RASSF4: variants seen among roughly 807,000 people sequenced by gnomAD.
RASSF4 encodes the protein Ras association domain family member 4.
A neutral mutation model predicts 41.1 loss-of-function variants in RASSF4; 38 were observed. The ratio of observed to expected loss-of-function variants is 0.92; its 90% confidence interval spans 0.71 to 1.21. The LOEUF (loss-of-function observed/expected upper bound fraction) is 1.21, where lower values mean the gene tolerates loss of function less well. RASSF4 is among the 50% of genes most tolerant of loss of function. The pLI, the probability that RASSF4 is intolerant of heterozygous loss-of-function variation, is 0.00. For synonymous variants in RASSF4, 179 were observed against 163.4 expected (o/e 1.10, Z -0.73); for missense variants, 414 against 419.4 (o/e 0.99, Z 0.11).
chr10:44,984,229 CT>C (rs1841832515), intron 5 of RASSF4, 116 bp downstream of exon 5: 1 of 1,019,394 alleles, frequency 9.8e-7, no homozygotes, highest in African/African-American at 1.6e-5. Flanking sequence ...CAACGAGGGG[CT>C]TCACCTGCTG....
intron 3 of RASSF4, chr10:44,977,290 T>C (rs1351856280): frequency 2.1e-5 from 30 of 1,441,298 alleles, no homozygotes; most frequent in Non-Finnish European, 2.4e-5. Context: ...CAGAAAAGCA[T>C]TTCCCTTTCA....
chr10:44,985,017 C>T (rs2132796397), intron 6 of RASSF4, 47 bp downstream of exon 6: 1 of 1,579,846 alleles, frequency 6.3e-7, no homozygotes. Flanking sequence ...GGGAGCCAGG[C>T]CTGAGCACAG....
At chr10:44,986,999 T>C (rs907827287) in intron 6 of RASSF4, among the ~76,000 whole-genome samples, 8 of 152,240 alleles carry the variant, frequency 5.3e-5, no homozygotes, top group Non-Finnish European at 1.2e-4. Flanking sequence ...TTGTTCCTAC[T>C]TGGAGTTGGT....
chr10:44,984,470 T>A (rs918319786), intron 5 of RASSF4: 2 of 483,582 alleles, frequency 4.1e-6, no homozygotes, highest in Non-Finnish European at 7.4e-6. Context: ...TGCTCACTCA[T>A]CCTTTTTATT....
chr10:44,970,341 G>A, intron 2 of RASSF4, 77 bp downstream of exon 2: 1 of 1,183,270 alleles, frequency 8.5e-7, no homozygotes, highest in Non-Finnish European at 1.3e-6. Context: ...CCTTTAGGTG[G>A]AGGGGTTCTG....
chr10:44,979,325 T>C (rs1227860571), intron 3 of RASSF4, among the ~76,000 whole-genome samples: 1 of 152,192 alleles, frequency 6.6e-6, no homozygotes, highest in Non-Finnish European at 1.5e-5. Flanking sequence ...GATGGGGTGC[T>C]TTCGGAGGAT....
At position 44,984,937 on chromosome 10, in the gene RASSF4, G is replaced by T. The variant is rs761836638; in HGVS notation, c.498G>T (p.Arg166=). The part of the protein sequence containing the change: ...PGEAQRIRRH[R]FSINGHFYNH... ...AGGCCCAGCGCATCCGGCGACACCG[G>T]TTCTCTATCAACGGCCACTTCTACA... The change falls in exon 6 of 11, where the codon CGG becomes CGT. Residue 166 remains arginine (R), a synonymous_variant. Transcript: ENST00000340258. 7 of 1,613,180 alleles carry T rather than the reference G, an allele frequency of 4.3e-6. No homozygotes were observed. Among genetic ancestry groups the T allele is most frequent in the Non-Finnish European group, 5.9e-6 (7 of 1,180,016 alleles).
chr10:44,982,913 C>A, intron 4 of RASSF4: 1 of 692,620 alleles, frequency 1.4e-6, no homozygotes. Flanking sequence ...CTGCAAGCCA[C>A]CTTGCTGGCA....
chr10:44,977,414 A>T (rs1397033130), intron 3 of RASSF4: 1 of 1,591,396 alleles, frequency 6.3e-7, no homozygotes, highest in Non-Finnish European at 8.6e-7. Context: ...GATCACCGGG[A>T]GGTGCGAGTA....
In RASSF4 at chr10:44,989,272, A is replaced by G. The variant is rs757620071; in HGVS notation, c.532-2A>G. Reference sequence around the variant, plus strand: ...CTGAACTTCTCTCCCTTCCTGGTACAGACCTCCGTGTTTACTCCAGCCTAT... The same window carrying G: ...CTGAACTTCTCTCCCTTCCTGGTACGGACCTCCGTGTTTACTCCAGCCTAT... On this transcript the variant is annotated splice_acceptor_variant, in intron 6 of 10. Transcript: ENST00000340258. LOFTEE classifies it high-confidence loss of function. 4 of 1,606,802 alleles carry G rather than the reference A, an allele frequency of 2.5e-6. No individual in the cohort carries two copies. The highest frequency in any genetic ancestry group is 1.3e-5 in the African/African-American group (1 of 74,784).
At chr10:44,991,807 A>G in intron 9 of RASSF4, 98 bp from the exon 10 acceptor site, 1 of 759,000 alleles carries the variant, frequency 1.3e-6, no homozygotes, top group South Asian at 1.7e-5. Context: ...TGGATACAAG[A>G]TGTTGGCTGG....
At chr10:44,991,550 T>A (rs1205845860) in intron 9 of RASSF4, among the ~76,000 whole-genome samples, 1 of 152,236 alleles carries the variant, frequency 6.6e-6, no homozygotes, top group Non-Finnish European at 1.5e-5. Context: ...AGTGACCCCG[T>A]ATCCCTCAGG....
intron 1 of RASSF4, among the ~76,000 whole-genome samples, chr10:44,960,166 A>C (rs1840652948): frequency 6.6e-6 from 1 of 152,174 alleles, no homozygotes; most frequent in Admixed American, 6.5e-5. Context: ...TCCTAGAAGC[A>C]CTGATCCTAG....
At chr10:44,963,393 C>T (rs1056693803) in intron 1 of RASSF4, among the ~76,000 whole-genome samples, 9 of 152,210 alleles carry the variant, frequency 5.9e-5, no homozygotes, top group Admixed American at 2.0e-4. Flanking sequence ...TTTCGGCAGA[C>T]GCTGCAACTT....
chr10:44,982,809 C>A, intron 4 of RASSF4, 146 bp downstream of exon 4: 2 of 876,856 alleles, frequency 2.3e-6, no homozygotes, highest in South Asian at 1.5e-5. Flanking sequence ...CCTGTGACTG[C>A]CTCAGTCCAC....
rs753321248 is a variant in RASSF4 at position 44,971,774 on chromosome 10, T to C, written c.64T>C (p.Ser22Pro). The change falls in exon 3 of 11, where the codon TCG becomes CCG. Residue 22 changes from serine (S) to proline (P), a missense_variant and splice_region_variant. By Grantham distance (74) the Ser-to-Pro change is moderately conservative. Transcript: ENST00000340258. The part of the protein sequence containing the change: ...PISDSKSIQK[S>P]ELLGLLKTYN... ...ACATGTGTGTCTTTCCCTTTTTAGG[T>C]CGGAGCTCTTAGGCCTGCTGAAAAC... 1 of 1,613,696 alleles carries C rather than the reference T, an allele frequency of 6.2e-7. No homozygotes were observed. Among genetic ancestry groups the C allele is most frequent in the Admixed American group, 1.7e-5 (1 of 60,014 alleles).
At chr10:44,963,875 A>C (rs912918749) in intron 1 of RASSF4, among the ~76,000 whole-genome samples, 5 of 152,192 alleles carry the variant, frequency 3.3e-5, no homozygotes, top group Admixed American at 2.6e-4. Flanking sequence ...TGTTTTATGT[A>C]AGAAGGGACA....
chr10:44,977,594 C>T, intron 3 of RASSF4: 1 of 1,613,362 alleles, frequency 6.2e-7, no homozygotes, highest in Non-Finnish European at 8.5e-7. Context: ...TCTGGGGGCC[C>T]CCATGGGCTT....
intron 6 of RASSF4, among the ~76,000 whole-genome samples, chr10:44,986,761 C>T (rs1427101039): frequency 3.3e-5 from 5 of 152,180 alleles, no homozygotes; most frequent in Non-Finnish European, 7.3e-5. Flanking sequence ...TAAATAATTC[C>T]TAGCATTGAA....
Sources: gnomAD v4.1 joint callset for allele counts (sites outside exome capture counted in the v4.1 genomes callset) on GRCh38, gnomAD v4.1.1 for gene constraint, MANE v1.5 for transcripts, NCBI Gene and HGNC (gene_info 2026-07-23, HGNC 2026-07-21) for gene names.